Variants in DAB1 observed in about 807,000 individuals in gnomAD.
DAB1 encodes disabled homolog 1.
DAB1 carries 15 observed loss-of-function variants against 64.6 expected under a neutral mutation model. The ratio of observed to expected loss-of-function variants is 0.23; its 90% CI spans 0.16 to 0.36. DAB1 has a LOEUF of 0.36. Among genes scored for constraint, DAB1 ranks in the 10% least tolerant of loss-of-function variants. The pLI is 1.00. For missense variants in DAB1, 596 were observed against 706.7 expected (o/e 0.84, Z 1.78); for synonymous variants, 235 against 251.9 (o/e 0.93, Z 0.64).
chr1:58,539,445 A>G, intron 1 of DAB1: 1 of 601,024 alleles, frequency 1.7e-6, no homozygotes, highest in Non-Finnish European at 2.9e-6. Flanking sequence ...GTTTCAACTC[A>G]TCACCCCTAG....
intron 5 of DAB1, among the ~76,000 whole-genome samples, chr1:58,062,614 C>T (rs937996262): frequency 6.6e-6 from 1 of 152,196 alleles, no homozygotes; most frequent in Non-Finnish European, 1.5e-5. Context: ...ATGGCAAGCT[C>T]CCCAGGTTCT....
At chr1:58,021,873 A>C (rs923970423) in intron 5 of DAB1, among the ~76,000 whole-genome samples, 12 of 152,228 alleles carry the variant, frequency 7.9e-5, no homozygotes. Context: ...GGTGGTGCGA[A>C]TGTGATGAGA....
chr1:58,522,043 G>A (rs922437324), intron 2 of DAB1, among the ~76,000 whole-genome samples: 1 of 152,024 alleles, frequency 6.6e-6, no homozygotes, highest in African/African-American at 2.4e-5. Context: ...AATATATTAA[G>A]GGATAATTGA....
intron 7 of DAB1, among the ~76,000 whole-genome samples, chr1:57,449,416 G>A (rs1155679): frequency 0.52 from 75,221 of 146,018 alleles, 19,238 homozygotes; most frequent in Admixed American, 0.62. Context: ...GTCTTGCTCT[G>A]TCACCCAGGC....
chr1:57,282,182 CAAAAAAAAAAA>C (rs61512431), intron 2 of DAB1, among the ~76,000 whole-genome samples: 25 of 92,768 alleles, frequency 2.7e-4, no homozygotes, highest in Non-Finnish European at 2.2e-4. Flanking sequence ...GCCTTCTTCT[CAAAAAAAAAAA>C]AAAAAAAAAA....
intron 1 of DAB1, among the ~76,000 whole-genome samples, chr1:57,395,572 C>T: frequency 6.6e-6 from 1 of 152,186 alleles, no homozygotes; most frequent in Non-Finnish European, 1.5e-5. Context: ...ATTTATTATT[C>T]CCATTTCTCA....
At chr1:57,264,119 C>A (rs1670403246) in intron 2 of DAB1, among the ~76,000 whole-genome samples, 2 of 152,202 alleles carry the variant, frequency 1.3e-5, no homozygotes, top group African/African-American at 4.8e-5. Flanking sequence ...GTCTCCTCAA[C>A]CCAGCTTCCC....
intron 5 of DAB1, among the ~76,000 whole-genome samples, chr1:57,996,372 T>C (rs560477727): frequency 3.3e-5 from 5 of 152,306 alleles, no homozygotes; most frequent in South Asian, 2.1e-4. Context: ...GTTTCGAAAA[T>C]AACAATTCAG....
At chr1:57,712,334 A>G (rs985236963) in intron 6 of DAB1, among the ~76,000 whole-genome samples, 7 of 152,202 alleles carry the variant, frequency 4.6e-5, no homozygotes, top group African/African-American at 1.7e-4. Flanking sequence ...TAAAGACTCG[A>G]TGCTTTGGAC....
intron 5 of DAB1, among the ~76,000 whole-genome samples, chr1:58,088,339 A>G (rs1013547130): frequency 6.6e-6 from 1 of 152,234 alleles, no homozygotes; most frequent in African/African-American, 2.4e-5. Context: ...GCTGAAACGA[A>G]TCCAAGTGGT....
intron 6 of DAB1, among the ~76,000 whole-genome samples, chr1:57,657,307 A>G (rs763577335): frequency 6.6e-6 from 1 of 152,230 alleles, no homozygotes; most frequent in Non-Finnish European, 1.5e-5. Context: ...CAGAGCCAGC[A>G]TGTACACAAA....
At chr1:57,434,304 G>T (rs1227987759) in intron 7 of DAB1, among the ~76,000 whole-genome samples, 1 of 152,070 alleles carries the variant, frequency 6.6e-6, no homozygotes, top group African/African-American at 2.4e-5. Context: ...TATTAAGCAA[G>T]AAATAAAATA....
downstream of DAB1, among the ~76,000 whole-genome samples, chr1:57,824,222 G>A (rs1652247288): frequency 6.6e-6 from 1 of 152,166 alleles, no homozygotes; most frequent in Admixed American, 6.5e-5. Context: ...AGGATTTGAA[G>A]CTTGGTGGTT....
chr1:58,316,495 T>A (rs536978137), intron 4 of DAB1, among the ~76,000 whole-genome samples: 1 of 152,260 alleles, frequency 6.6e-6, no homozygotes, highest in African/African-American at 2.4e-5. Context: ...GACCTCAGTC[T>A]CTGCCCTTGT....
chr1:58,049,819 T>A (rs935876637), intron 5 of DAB1, among the ~76,000 whole-genome samples: 1 of 142,388 alleles, frequency 7.0e-6, no homozygotes, highest in Non-Finnish European at 1.5e-5. Context: ...CATACACGCA[T>A]ATGCACACAC....
chr1:57,874,549 G>T (rs1430198592), intron 1 of DAB1, among the ~76,000 whole-genome samples: 2 of 152,138 alleles, frequency 1.3e-5, no homozygotes, highest in African/African-American at 4.8e-5. Context: ...CAGGTGAGTA[G>T]AATGAAGCTG....
At position 57,593,807 on chromosome 1, in the gene DAB1, T is replaced by C. The variant is rs537025615; in HGVS notation, n.625+55785A>G. ...AGCTTTTGCTAAATAGCGACACATA[T>C]GTGGCACAACTCTTGGCTAACCTCG... On this transcript the variant is annotated intron_variant and non_coding_transcript_variant, in intron 7 of 20. Coordinates refer to the DAB1 transcript ENST00000485760. Among the ~76,000 whole-genome samples, 7 of 152,344 alleles carry C rather than the reference T, an allele frequency of 4.6e-5. No individual in the cohort carries two copies. In the South Asian group the frequency reaches 8.3e-4, roughly 18 times the overall value.
intron 7 of DAB1, among the ~76,000 whole-genome samples, chr1:57,495,243 G>A (rs6703115): frequency 0.056 from 8,544 of 152,148 alleles, 818 homozygotes; most frequent in African/African-American, 0.2. Context: ...AATATAAGGT[G>A]TACTACTATT....
intron 4 of DAB1, among the ~76,000 whole-genome samples, chr1:58,318,864 G>A (rs763519682): frequency 3.3e-5 from 5 of 152,150 alleles, no homozygotes; most frequent in African/African-American, 4.8e-5. Flanking sequence ...CCGAGGTGCC[G>A]AATGTAACCC....
Sources: gnomAD v4.1 joint callset for allele counts (sites outside exome capture counted in the v4.1 genomes callset) on GRCh38, gnomAD v4.1.1 for gene constraint, MANE v1.5 for transcripts, NCBI Gene and HGNC (gene_info 2026-07-23, HGNC 2026-07-21) for gene names.